GPBP1L1: variants seen among roughly 807,000 people sequenced by gnomAD.
The protein encoded by GPBP1L1 is vasculin-like protein 1.
A neutral mutation model predicts 52.5 loss-of-function variants in GPBP1L1; 23 were observed. The observed-to-expected ratio is 0.44, with a 90% confidence interval of 0.32 to 0.62. The LOEUF is 0.62. Ranked by LOEUF, GPBP1L1 falls within the 20% of genes least tolerant of loss-of-function variation. The pLI is 0.06. For missense variants in GPBP1L1, 596 were observed against 579.3 expected, an observed-to-expected ratio of 1.03 and a Z score of -0.30; for synonymous variants, 243 against 203.1, an observed-to-expected ratio of 1.20 and a Z score of -1.67.
chr1:45,664,061 G>T (rs984486342), intron 2 of GPBP1L1, among the ~76,000 whole-genome samples: 1 of 152,060 alleles, frequency 6.6e-6, no homozygotes, highest in Admixed American at 6.6e-5. Context: ...GGCCAGGCGC[G>T]GTGGCTCACG....
At chr1:45,655,032 T>C (rs1396167992) in intron 5 of GPBP1L1, among the ~76,000 whole-genome samples, 158 bp downstream of exon 5, 1 of 152,248 alleles carries the variant, frequency 6.6e-6, no homozygotes, top group African/African-American at 2.4e-5. Context: ...TAGTTAGACC[T>C]AGAAAGCCAA....
intron 2 of GPBP1L1, among the ~76,000 whole-genome samples, chr1:45,678,708 T>C (rs1040001207): frequency 1.3e-5 from 2 of 152,168 alleles, no homozygotes; most frequent in African/African-American, 2.4e-5. Flanking sequence ...ACTAAAAAGA[T>C]ATAGATAAAG....
chr1:45,643,960 C>T (rs962635460), intron 6 of GPBP1L1, among the ~76,000 whole-genome samples: 1 of 152,088 alleles, frequency 6.6e-6, no homozygotes, highest in Non-Finnish European at 1.5e-5. Flanking sequence ...AGCCACTGTG[C>T]CCAGCAGGAA....
intron 6 of GPBP1L1, chr1:45,651,899 T>A (rs1012587534): frequency 5.3e-6 from 1 of 187,192 alleles, no homozygotes; most frequent in Non-Finnish European, 1.1e-5. Context: ...TCAGTTCCAA[T>A]CCTTTAAGTT....
intron 6 of GPBP1L1, among the ~76,000 whole-genome samples, chr1:45,652,586 TATA>T (rs1557706412): frequency 1.3e-5 from 2 of 152,228 alleles, no homozygotes; most frequent in African/African-American, 2.4e-5. Flanking sequence ...TGGCTATGGT[TATA>T]ATATTAGATA....
At chr1:45,637,377 T>C (rs563980850) in intron 8 of GPBP1L1, among the ~76,000 whole-genome samples, 69 of 152,236 alleles carry the variant, frequency 4.5e-4, no homozygotes, top group Non-Finnish European at 9.1e-4. Flanking sequence ...TGACCTTCCA[T>C]ATTTACCCCA....
At chr1:45,639,619 G>A (rs2148436465) in intron 8 of GPBP1L1, among the ~76,000 whole-genome samples, 1 of 150,718 alleles carries the variant, frequency 6.6e-6, no homozygotes, top group East Asian at 2.0e-4. Context: ...GCTCACGCCT[G>A]TAATCCCAGC....
At chr1:45,675,550 GTTC>G (rs890023066) in intron 2 of GPBP1L1, among the ~76,000 whole-genome samples, 1 of 152,034 alleles carries the variant, frequency 6.6e-6, no homozygotes, top group Non-Finnish European at 1.5e-5. Context: ...CATCTTAACT[GTTC>G]TTTTTTGAGA....
At chr1:45,667,950 G>A (rs779760064) in intron 2 of GPBP1L1, among the ~76,000 whole-genome samples, 1 of 152,116 alleles carries the variant, frequency 6.6e-6, no homozygotes, top group Non-Finnish European at 1.5e-5. Context: ...TGTTGGCCAG[G>A]CTGGTCTCCA....
At chr1:45,646,934 A>G (rs1644754949) in intron 6 of GPBP1L1, among the ~76,000 whole-genome samples, 1 of 151,878 alleles carries the variant, frequency 6.6e-6, no homozygotes, top group Admixed American at 6.6e-5. Context: ...TTATATATCT[A>G]TATTAGATCT....
In GPBP1L1 at chr1:45,674,568, G is replaced by A. The variant is rs555806283; in HGVS notation, c.-1098+11008C>T. Among the ~76,000 whole-genome samples, 3 of 152,188 alleles carry A rather than the reference G, an allele frequency of 2.0e-5. No individual in the cohort carries two copies. The South Asian group carries it at 6.2e-4, about 31-fold the overall frequency. On this transcript the variant is annotated intron_variant, in intron 2 of 12. Transcript: ENST00000355105. ...CTTTACAATATTGTGAGGTGAGAAAGCAACTCAACAGAAACCATACTTTGA... is the reference window on the plus strand; with the variant it reads ...CTTTACAATATTGTGAGGTGAGAAAACAACTCAACAGAAACCATACTTTGA...
intron 6 of GPBP1L1, among the ~76,000 whole-genome samples, chr1:45,643,890 G>C (rs964985595): frequency 6.6e-6 from 1 of 151,802 alleles, no homozygotes; most frequent in African/African-American, 2.4e-5. Flanking sequence ...GGCTGGTCTC[G>C]AACTGACCTC....
At chr1:45,677,373 G>A (rs1645160115) in intron 2 of GPBP1L1, among the ~76,000 whole-genome samples, 3 of 151,290 alleles carry the variant, frequency 2.0e-5, no homozygotes, top group Admixed American at 2.0e-4. Context: ...ATTTTAGCCA[G>A]GCATAGTGGT....
At chr1:45,653,904 G>A (rs1468636408) in intron 6 of GPBP1L1, among the ~76,000 whole-genome samples, 1 of 151,758 alleles carries the variant, frequency 6.6e-6, no homozygotes, top group Non-Finnish European at 1.5e-5. Flanking sequence ...TCACCATGTT[G>A]GTCAGGCTGA....
rs1380372309 is a variant in GPBP1L1 at position 45,634,196 on chromosome 1, C to G, written c.785G>C (p.Gly262Ala). 1 of 1,613,828 alleles carries G rather than the reference C, an allele frequency of 6.2e-7. No individual in the cohort carries two copies. Among genetic ancestry groups the G allele is most frequent in the Admixed American group, 1.7e-5 (1 of 60,024 alleles). ...AGACTCCCGGCTAGAGGAAAGGGAT[C>G]CTGACTTGTGCTCCATCCTGTTAGC... ...WKANRMEHKS[G>A]SLSSSRESAF... Residue 262 changes from glycine (G) to alanine (A), a missense_variant, in exon 9 of 13, where the codon GGA (glycine) becomes GCA (alanine). Coordinates refer to ENST00000355105, the MANE Select transcript of GPBP1L1 (RefSeq NM_021639.5).
At chr1:45,679,397 G>A (rs1244286455) in intron 2 of GPBP1L1, among the ~76,000 whole-genome samples, 1 of 152,130 alleles carries the variant, frequency 6.6e-6, no homozygotes, top group Non-Finnish European at 1.5e-5. Flanking sequence ...ACTCCAAACG[G>A]TCCTTGCATC....
chr1:45,631,503 T>C (rs1644530573), intron 10 of GPBP1L1, among the ~76,000 whole-genome samples: 1 of 152,168 alleles, frequency 6.6e-6, no homozygotes, highest in Non-Finnish European at 1.5e-5. Context: ...CCTCAGGTGA[T>C]CCGCCCACCT....
intron 2 of GPBP1L1, among the ~76,000 whole-genome samples, chr1:45,685,060 A>C (rs1645262588): frequency 6.6e-6 from 1 of 151,780 alleles, no homozygotes; most frequent in Admixed American, 6.6e-5. Flanking sequence ...TTCTGGATCT[A>C]TCGATTAAAA....
At chr1:45,633,882 T>A (rs1476723420) in intron 9 of GPBP1L1, 1 of 658,592 alleles carries the variant, frequency 1.5e-6, no homozygotes, top group Non-Finnish European at 2.5e-6. Flanking sequence ...AGAATGCCAG[T>A]CTAACATAGG....
Sources: gnomAD v4.1 joint callset for allele counts (sites outside exome capture counted in the v4.1 genomes callset) on GRCh38, gnomAD v4.1.1 for gene constraint, MANE v1.5 for transcripts, NCBI Gene and HGNC (gene_info 2026-07-23, HGNC 2026-07-21) for gene names.